The following CLYBL variants were observed in gnomAD, a reference collection of about 807,000 sequenced individuals.
CLYBL encodes the protein citramalyl-CoA lyase.
A neutral mutation model predicts 38.9 loss-of-function variants in CLYBL; 31 were observed. That is an observed-to-expected ratio of 0.80 (90% CI 0.60 to 1.08). CLYBL has a LOEUF of 1.08. CLYBL is among the 50% of genes least tolerant of loss of function. The pLI is 0.00. For synonymous variants in CLYBL, 171 were observed against 158.6 expected, an observed-to-expected ratio of 1.08 and a Z score of -0.59; for missense variants, 434 against 411.6, an observed-to-expected ratio of 1.05 and a Z score of -0.47.
intron 1 of CLYBL, among the ~76,000 whole-genome samples, chr13:99,627,893 G>C (rs1353786843): frequency 6.6e-6 from 1 of 152,152 alleles, no homozygotes; most frequent in Non-Finnish European, 1.5e-5. Context: ...AGATATACCT[G>C]CACATGTGAA....
At chr13:99,765,663 C>T (rs1459452527) in intron 1 of CLYBL, among the ~76,000 whole-genome samples, 1 of 152,040 alleles carries the variant, frequency 6.6e-6, no homozygotes, top group East Asian at 1.9e-4. Flanking sequence ...TCCCTCTCAG[C>T]CTCCCGAGTA....
chr13:99,897,453 T>C (rs930877566), downstream of CLYBL, among the ~76,000 whole-genome samples: 2 of 152,168 alleles, frequency 1.3e-5, no homozygotes, highest in Admixed American at 1.3e-4. Flanking sequence ...CTGGAAGGTA[T>C]AGAAGGGGGC....
chr13:99,613,033 T>C (rs1219490231), intron 1 of CLYBL, among the ~76,000 whole-genome samples: 1 of 94,580 alleles, frequency 1.1e-5, no homozygotes, highest in African/African-American at 6.0e-5. Flanking sequence ...ATGATAATAA[T>C]AATAATAATA....
chr13:99,806,963 G>A (rs992210403), intron 2 of CLYBL, among the ~76,000 whole-genome samples: 3 of 152,210 alleles, frequency 2.0e-5, no homozygotes, highest in African/African-American at 7.2e-5. Flanking sequence ...GTGGACGGAT[G>A]ATCAACAGTG....
chr13:99,850,606 A>G (rs1053317620), intron 2 of CLYBL, among the ~76,000 whole-genome samples: 2 of 152,234 alleles, frequency 1.3e-5, no homozygotes, highest in Non-Finnish European at 2.9e-5. Flanking sequence ...CGCTGTGGAA[A>G]ACAGTTTGGC....
intron 1 of CLYBL, among the ~76,000 whole-genome samples, chr13:99,746,750 T>TTG (rs2048858323): frequency 6.6e-6 from 1 of 152,218 alleles, no homozygotes; most frequent in African/African-American, 2.4e-5. Flanking sequence ...TGTCATGCAC[T>TTG]TGACAGGTGC....
At chr13:99,794,838 T>G (rs1362225518) in intron 2 of CLYBL, among the ~76,000 whole-genome samples, 1 of 152,130 alleles carries the variant, frequency 6.6e-6, no homozygotes, top group Non-Finnish European at 1.5e-5. Flanking sequence ...GTGATCCATC[T>G]GTCTTGGCCT....
intron 2 of CLYBL, among the ~76,000 whole-genome samples, chr13:99,774,161 A>G (rs562182120): frequency 6.6e-6 from 1 of 152,162 alleles, no homozygotes; most frequent in South Asian, 2.1e-4. Flanking sequence ...TGAGCCCGAG[A>G]GTTTGAGGCT....
In CLYBL at chr13:99,715,421, T is replaced by C. The variant is rs377456787; in HGVS notation, c.63-57403T>C. On this transcript the variant is annotated intron_variant, in intron 1 of 8. Coordinates refer to ENST00000339105, the MANE Select transcript of CLYBL (RefSeq NM_206808.5). Reference sequence around the variant, plus strand: ...TCTTTTTTTCTTTTTCTTTTCTTTTTTTTTTTTTTGAGACAGTCTCACTCG... The same window carrying C: ...TCTTTTTTTCTTTTTCTTTTCTTTTCTTTTTTTTTGAGACAGTCTCACTCG... 6.1e-3 allele frequency among the ~76,000 whole-genome samples: 919 copies of C among 151,466 alleles called. 7 individuals are homozygous for C. Among genetic ancestry groups the C allele is most frequent in the African/African-American group, 0.021 (862 of 41,402 alleles).
intron 1 of CLYBL, among the ~76,000 whole-genome samples, chr13:99,713,334 CTTTTTTTTTTT>C (rs759844768): frequency 2.1e-4 from 21 of 101,670 alleles, no homozygotes; most frequent in African/African-American, 7.7e-4. Context: ...TTCTCTATTT[CTTTTTTTTTTT>C]TTTTTTTTTT....
At chr13:99,774,520 G>A (rs1379924661) in intron 2 of CLYBL, among the ~76,000 whole-genome samples, 1 of 152,128 alleles carries the variant, frequency 6.6e-6, no homozygotes, top group South Asian at 2.1e-4. Context: ...GTGGGGCGGG[G>A]GATGAGGGAG....
intron 9 of CLYBL, among the ~76,000 whole-genome samples, chr13:99,905,847 C>T (rs2052692415): frequency 6.6e-6 from 1 of 151,962 alleles, no homozygotes; most frequent in Non-Finnish European, 1.5e-5. Context: ...CTCACTGCAG[C>T]CTCGACCTCC....
rs181590595 is a variant in CLYBL at position 99,673,552 on chromosome 13, C to T, written c.62+66795C>T. Among the ~76,000 whole-genome samples, 4 of 152,242 alleles carry T rather than the reference C, an allele frequency of 2.6e-5. No homozygotes were observed. In the East Asian group the frequency reaches 7.7e-4, roughly 29 times the overall value. ...GTTTGAAGGAGAGGAAGGACTTAGC[C>T]TTGAATACTTTTGAGGAAGAATGGT... On this transcript the variant is annotated intron_variant, in intron 1 of 8. Coordinates refer to ENST00000339105, the MANE Select transcript of CLYBL (RefSeq NM_206808.5).
At chr13:99,774,887 A>G (rs2049479044) in intron 2 of CLYBL, among the ~76,000 whole-genome samples, 1 of 152,208 alleles carries the variant, frequency 6.6e-6, no homozygotes, top group East Asian at 1.9e-4. Context: ...TAACTCATGT[A>G]GTGCACTCCA....
intron 2 of CLYBL, among the ~76,000 whole-genome samples, chr13:99,795,037 G>A (rs2049994069): frequency 6.6e-6 from 1 of 152,156 alleles, no homozygotes; most frequent in African/African-American, 2.4e-5. Context: ...TGGTGGTAGT[G>A]GTGGTTTAAA....
intron 1 of CLYBL, among the ~76,000 whole-genome samples, chr13:99,615,801 T>G (rs974439677): frequency 6.6e-6 from 1 of 152,092 alleles, no homozygotes; most frequent in African/African-American, 2.4e-5. Context: ...TAAACCAGGT[T>G]TAGAATAGCT....
At chr13:99,695,810 C>T (rs2047971200) in intron 1 of CLYBL, among the ~76,000 whole-genome samples, 1 of 152,058 alleles carries the variant, frequency 6.6e-6, no homozygotes, top group South Asian at 2.1e-4. Flanking sequence ...GAGCCACCGT[C>T]CCCAGTGTGA....
At chr13:99,631,748 A>G (rs1470651955) in intron 1 of CLYBL, among the ~76,000 whole-genome samples, 1 of 151,916 alleles carries the variant, frequency 6.6e-6, no homozygotes, top group Non-Finnish European at 1.5e-5. Context: ...ACAGGCACGC[A>G]CCACCACGCC....
chr13:99,790,649 C>T (rs2049895379), intron 2 of CLYBL, among the ~76,000 whole-genome samples: 1 of 152,188 alleles, frequency 6.6e-6, no homozygotes, highest in South Asian at 2.1e-4. Context: ...GACTAATTGT[C>T]TGAATCTCCC....
Sources: allele counts gnomAD v4.1 joint callset (sites outside exome capture counted in the v4.1 genomes callset), GRCh38; gene constraint gnomAD v4.1.1; transcripts MANE v1.5; gene names NCBI Gene and HGNC (gene_info 2026-07-23, HGNC 2026-07-21).